The following COP1 variants were observed in gnomAD, a reference collection of about 807,000 sequenced individuals.
The protein encoded by COP1 is E3 ubiquitin-protein ligase COP1.
In COP1, 24 loss-of-function variants were observed where a neutral mutation model predicts 101.3. The ratio of observed to expected loss-of-function variants is 0.24; its 90% confidence interval spans 0.17 to 0.33. The LOEUF (loss-of-function observed/expected upper bound fraction) is 0.33. Ranked by LOEUF, COP1 falls within the 10% of genes least tolerant of loss-of-function variation. COP1 has a pLI of 1.00. For synonymous variants in COP1, 347 were observed against 341.9 expected (o/e 1.01, Z -0.17); for missense variants, 663 against 906.2 (o/e 0.73, Z 3.45).
At chr1:175,973,325 G>C (rs552897681) in intron 18 of COP1, among the ~76,000 whole-genome samples, 1 of 152,172 alleles carries the variant, frequency 6.6e-6, no homozygotes, top group East Asian at 1.9e-4. Flanking sequence ...CTCAGGACTG[G>C]GTTGCTACCT....
intron 14 of COP1, among the ~76,000 whole-genome samples, chr1:176,036,891 G>A (rs185441155): frequency 3.7e-4 from 56 of 152,262 alleles, no homozygotes; most frequent in African/African-American, 1.1e-3. Context: ...GTAAGTGGAG[G>A]AGCATTTTAT....
intron 9 of COP1, among the ~76,000 whole-genome samples, chr1:176,087,587 T>C (rs1680458501): frequency 6.6e-6 from 1 of 152,094 alleles, no homozygotes; most frequent in Non-Finnish European, 1.5e-5. Context: ...ATGGCAATCA[T>C]TAAAAAGTCA....
At chr1:176,063,633 C>T (rs1675377444) in intron 11 of COP1, among the ~76,000 whole-genome samples, 1 of 152,096 alleles carries the variant, frequency 6.6e-6, no homozygotes, top group Non-Finnish European at 1.5e-5. Flanking sequence ...GTGAACACAA[C>T]CAAACATCAT....
chr1:176,125,093 A>G (rs531116783), intron 8 of COP1, among the ~76,000 whole-genome samples: 51 of 111,178 alleles, frequency 4.6e-4, no homozygotes, highest in Non-Finnish European at 8.7e-4. Context: ...CCATTTTTAA[A>G]TGATTATTCG....
At chr1:175,954,267 G>A (rs1337259691) in intron 18 of COP1, among the ~76,000 whole-genome samples, 3 of 152,080 alleles carry the variant, frequency 2.0e-5, no homozygotes, top group African/African-American at 7.2e-5. Context: ...TTTGTGTAAT[G>A]CACCTAAAAC....
At chr1:175,952,010 A>G (rs1649991264) in intron 18 of COP1, among the ~76,000 whole-genome samples, 1 of 152,238 alleles carries the variant, frequency 6.6e-6, no homozygotes, top group Non-Finnish European at 1.5e-5. Flanking sequence ...AAGACAAGAA[A>G]CAGAGAAAAT....
At chr1:176,054,883 C>A (rs183518319) in intron 11 of COP1, among the ~76,000 whole-genome samples, 141 of 152,272 alleles carry the variant, frequency 9.3e-4, no homozygotes, top group African/African-American at 3.2e-3. Flanking sequence ...TTTTCCATAA[C>A]CTCTCCTCTC....
At chr1:176,126,990 AT>A (rs1320403144) in intron 8 of COP1, among the ~76,000 whole-genome samples, 1 of 152,144 alleles carries the variant, frequency 6.6e-6, no homozygotes, top group African/African-American at 2.4e-5. Flanking sequence ...CACATATCTT[AT>A]TTTTCCTCCT....
At chr1:176,005,482 G>A (rs1422946598) in intron 15 of COP1, among the ~76,000 whole-genome samples, 2 of 151,890 alleles carry the variant, frequency 1.3e-5, no homozygotes, top group Non-Finnish European at 2.9e-5. Flanking sequence ...TTCTCTTGTG[G>A]GCATTTAGTG....
chr1:176,050,013 C>T (rs536835177), intron 11 of COP1, among the ~76,000 whole-genome samples: 1 of 152,314 alleles, frequency 6.6e-6, no homozygotes, highest in South Asian at 2.1e-4. Context: ...CTGCCATCCA[C>T]TGTCAGCAGT....
At chr1:175,986,751 C>T (rs1227443372) in intron 18 of COP1, among the ~76,000 whole-genome samples, 192 bp downstream of exon 18, 1 of 152,186 alleles carries the variant, frequency 6.6e-6, no homozygotes, top group African/African-American at 2.4e-5. Context: ...CATTATGACA[C>T]CATGACATTG....
rs113508237 is a variant in COP1 at position 176,016,739 on chromosome 1, T to A, written c.1729+10833A>T. Among the ~76,000 whole-genome samples the A allele has an allele frequency of 9.9e-4, 150 of 151,164 alleles. 1 individual carries two copies. The Middle Eastern group carries it at 0.01, about 10-fold the overall frequency. ...CCATTTTTATGAATGACTCTTTTTT[T>A]AAAAAAAAAAATTACAGGTAAGTAT... On this transcript the variant is annotated intron_variant, in intron 15 of 19. Transcript: ENST00000367669.
chr1:176,032,067 G>C (rs1450743261), intron 14 of COP1, among the ~76,000 whole-genome samples: 1 of 152,162 alleles, frequency 6.6e-6, no homozygotes, highest in African/African-American at 2.4e-5. Flanking sequence ...ACCAAAGAAA[G>C]AGAAAACAGG....
intron 18 of COP1, among the ~76,000 whole-genome samples, chr1:175,953,536 T>C (rs764447541): frequency 1.1e-4 from 16 of 152,032 alleles, no homozygotes; most frequent in African/African-American, 3.4e-4. Context: ...GGTGGGAGGA[T>C]TGCTTGAGAC....
At chr1:175,959,028 C>A (rs139768760) in intron 18 of COP1, among the ~76,000 whole-genome samples, 157 of 151,860 alleles carry the variant, frequency 1.0e-3, no homozygotes, top group African/African-American at 3.5e-3. Context: ...AGATTATAGG[C>A]CAATGTTATT....
chr1:176,072,083 T>A (rs191042374), intron 11 of COP1, among the ~76,000 whole-genome samples: 1 of 152,246 alleles, frequency 6.6e-6, no homozygotes, highest in Non-Finnish European at 1.5e-5. Context: ...TGAATTACCA[T>A]AGAAGTAGAA....
intron 19 of COP1, among the ~76,000 whole-genome samples, chr1:175,945,657 T>A (rs1054640855): frequency 1.3e-5 from 2 of 152,234 alleles, no homozygotes; most frequent in Admixed American, 6.5e-5. Flanking sequence ...ATACTTTGTA[T>A]TTTTAGAATT....
intron 8 of COP1, among the ~76,000 whole-genome samples, chr1:176,131,221 C>G (rs186946043): frequency 4.0e-5 from 6 of 151,724 alleles, no homozygotes; most frequent in Admixed American, 6.6e-5. Flanking sequence ...AAATTTTAAG[C>G]AGGAAAGAAA....
intron 11 of COP1, among the ~76,000 whole-genome samples, chr1:176,056,430 C>A (rs1225642094): frequency 7.9e-6 from 1 of 126,236 alleles, no homozygotes; most frequent in Non-Finnish European, 1.8e-5. Context: ...ACAGTTAACA[C>A]AGGGATTTTT....
Sources: allele counts gnomAD v4.1 joint callset (sites outside exome capture counted in the v4.1 genomes callset), GRCh38; gene constraint gnomAD v4.1.1; transcripts MANE v1.5; gene names NCBI Gene and HGNC (gene_info 2026-07-23, HGNC 2026-07-21).